The following FPR3 variants were observed in gnomAD, a reference collection of about 807,000 sequenced individuals.
FPR3 encodes formyl peptide receptor 3.
For missense variants in FPR3, 346 were observed against 443.2 expected (o/e 0.78, Z 1.97); for synonymous variants, 135 against 163.6 (o/e 0.83, Z 1.34).
intron 1 of FPR3, among the ~76,000 whole-genome samples, chr19:51,821,010 T>A (rs143297181): frequency 1.1e-3 from 171 of 152,310 alleles, no homozygotes; most frequent in African/African-American, 3.9e-3. Context: ...ATTGTTCTTG[T>A]CCTGACCTTG....
At chr19:51,797,963 C>A (rs118098167) in intron 1 of FPR3, among the ~76,000 whole-genome samples, 1,818 of 135,830 alleles carry the variant, frequency 0.013, 27 homozygotes, top group Non-Finnish European at 0.016. Flanking sequence ...CTCACTGCAA[C>A]CTCTGCCTCC....
chr19:51,820,294 T>C (rs970373822), intron 1 of FPR3, among the ~76,000 whole-genome samples: 1 of 152,250 alleles, frequency 6.6e-6, no homozygotes, highest in African/African-American at 2.4e-5. Flanking sequence ...TCTCAATAAT[T>C]GTGACATTGA....
intron 1 of FPR3, among the ~76,000 whole-genome samples, chr19:51,795,834 T>C (rs1460317038): frequency 6.6e-6 from 1 of 152,172 alleles, no homozygotes; most frequent in African/African-American, 2.4e-5. Context: ...ATATATGTAA[T>C]TAAATAAAAT....
rs1160968551 is a variant in FPR3 at position 51,823,768 on chromosome 19, T to C, written c.20T>C (p.Ile7Thr). Residue 7 changes from isoleucine to threonine, a missense_variant, in exon 2 of 2, where the codon ATT becomes ACT. Ile to Thr is a moderately conservative substitution (Grantham distance 89). Coordinates refer to ENST00000339223, the MANE Select transcript of FPR3 (RefSeq NM_002030.5). The stretch of plus-strand genomic sequence containing the variant: ...GGGAAGATGGAAACCAACTTCTCCA[T>C]TCCTCTGAATGAAACTGAGGAGGTG... Reference protein sequence around the residue: METNFSIPLNETEEVLP... With the variant: METNFSTPLNETEEVLP... 6.3e-7 allele frequency: 1 copy of C among 1,594,838 alleles called. No individual in the cohort carries two copies. The highest frequency in any genetic ancestry group is 2.2e-5 in the East Asian group (1 of 44,676).
intron 1 of FPR3, among the ~76,000 whole-genome samples, chr19:51,818,415 T>C (rs141684055): frequency 1.2e-3 from 176 of 152,284 alleles, no homozygotes; most frequent in South Asian, 2.7e-3. Context: ...CATTGGACAG[T>C]GCTATGCTAG....
intron 1 of FPR3, chr19:51,805,111 G>C (rs1442101529): frequency 6.6e-6 from 1 of 152,192 alleles, no homozygotes; most frequent in Non-Finnish European, 1.5e-5. Flanking sequence ...TGATCATATA[G>C]CCTCCAGTGG....
At chr19:51,808,034 C>A (rs2084072051) in intron 1 of FPR3, among the ~76,000 whole-genome samples, 1 of 152,182 alleles carries the variant, frequency 6.6e-6, no homozygotes, top group Non-Finnish European at 1.5e-5. Flanking sequence ...TAAACAAAAG[C>A]AAAGGTTTTT....
chr19:51,807,219 G>T (rs566886906), intron 1 of FPR3, among the ~76,000 whole-genome samples: 1 of 150,786 alleles, frequency 6.6e-6, no homozygotes, highest in African/African-American at 2.5e-5. Context: ...CAGGAAGTGG[G>T]GGGGGTGGTT....
chr19:51,824,961 C>T lies in FPR3; in HGVS notation c.*151C>T. ...GTACCAAATCTGTAGGGGGTTTTTCCCACAACCAAGCAATAGACACCAGCT... is the reference window on the plus strand; with the variant it reads ...GTACCAAATCTGTAGGGGGTTTTTCTCACAACCAAGCAATAGACACCAGCT... On this transcript the variant is annotated 3_prime_UTR_variant, in exon 2 of 2. Coordinates refer to ENST00000339223, the MANE Select transcript of FPR3 (RefSeq NM_002030.5). The surrounding 1 kb of genome is among the most constrained non-coding windows in gnomAD (Gnocchi z 4.7). The T allele has an allele frequency of 1.5e-6, 1 of 649,132 alleles. No individual in the cohort carries two copies. The highest frequency in any genetic ancestry group is 2.7e-6 in the Non-Finnish European group (1 of 371,362). The allele number at this position is 649,132 out of a possible 1,614,324, so 40.2% of individuals were successfully genotyped here. A position where few individuals can be genotyped will look rare whatever the true frequency, so the allele number is the denominator to read the frequency against.
intron 1 of FPR3, among the ~76,000 whole-genome samples, chr19:51,807,288 C>T (rs993247078): frequency 6.6e-6 from 1 of 152,082 alleles, no homozygotes; most frequent in Non-Finnish European, 1.5e-5. Context: ...AAACAGTAGG[C>T]GCTAGATTTC....
chr19:51,822,172 A>C (rs1369014666), intron 1 of FPR3, among the ~76,000 whole-genome samples: 2 of 152,194 alleles, frequency 1.3e-5, no homozygotes, highest in Non-Finnish European at 2.9e-5. Flanking sequence ...AGGGACTGTA[A>C]TTTTGTGATT....
chr19:51,814,960 C>A (rs1004541296), intron 1 of FPR3, among the ~76,000 whole-genome samples: 2 of 151,952 alleles, frequency 1.3e-5, no homozygotes, highest in African/African-American at 4.8e-5. Flanking sequence ...CAGCCGCCTG[C>A]CACCACGTCT....
At chr19:51,797,877 CTTTTTTTTTTTTTT>C (rs753127261) in intron 1 of FPR3, among the ~76,000 whole-genome samples, 1 of 71,518 alleles carries the variant, frequency 1.4e-5, no homozygotes, top group Non-Finnish European at 2.4e-5. Flanking sequence ...CATGTCTATT[CTTTTTTTTTTTTTT>C]TTTTTTTTTG....
chr19:51,802,869 C>T (rs1003046902), intron 1 of FPR3, among the ~76,000 whole-genome samples: 3 of 152,096 alleles, frequency 2.0e-5, no homozygotes, highest in Admixed American at 6.5e-5. Flanking sequence ...TCATTTACAT[C>T]GTTACAGATT....
chr19:51,810,194 G>A (rs940265463), intron 1 of FPR3, among the ~76,000 whole-genome samples: 2 of 152,148 alleles, frequency 1.3e-5, no homozygotes, highest in South Asian at 2.1e-4. Context: ...CACTGCTTGC[G>A]CTAATATTGC....
At chr19:51,796,844 T>C (rs1018252904) in intron 1 of FPR3, among the ~76,000 whole-genome samples, 3 of 152,236 alleles carry the variant, frequency 2.0e-5, no homozygotes, top group African/African-American at 7.2e-5. Context: ...GGAGAGGTTT[T>C]ATCAGACTTG....
At chr19:51,796,375 G>T (rs1038861943) in intron 1 of FPR3, among the ~76,000 whole-genome samples, 1 of 152,242 alleles carries the variant, frequency 6.6e-6, no homozygotes, top group Non-Finnish European at 1.5e-5. Context: ...GGGAACCTAG[G>T]ATAAGGGAAC....
intron 1 of FPR3, among the ~76,000 whole-genome samples, chr19:51,811,900 A>G (rs914688248): frequency 6.6e-6 from 1 of 152,150 alleles, no homozygotes; most frequent in Admixed American, 6.5e-5. Context: ...CAGTGGAATG[A>G]TGAGTTGGTC....
chr19:51,821,778 GA>G (rs367786697), intron 1 of FPR3, among the ~76,000 whole-genome samples: 1,585 of 144,096 alleles, frequency 0.011, 27 homozygotes, highest in African/African-American at 0.038. Context: ...ACATGATGCT[GA>G]AAAAAAAAAA....
Sources: gnomAD v4.1 joint callset for allele counts (sites outside exome capture counted in the v4.1 genomes callset) on GRCh38, gnomAD v4.1.1 for gene constraint, Gnocchi (gnomAD v3.1) non-coding constraint, MANE v1.5 for transcripts, NCBI Gene and HGNC (gene_info 2026-07-23, HGNC 2026-07-21) for gene names.